Variants in ATP6V1C2 observed in about 807,000 individuals in gnomAD.
ATP6V1C2 encodes V-type proton ATPase subunit C 2.
In ATP6V1C2, 45 loss-of-function variants were observed where a neutral mutation model predicts 56.8. The observed-to-expected ratio is 0.79, with a 90% CI of 0.62 to 1.02. The LOEUF (loss-of-function observed/expected upper bound fraction) is 1.02. Ranked by LOEUF, ATP6V1C2 falls within the 50% of genes least tolerant of loss-of-function variation. The pLI is 0.00. For missense variants in ATP6V1C2, 463 were observed against 519.7 expected, an observed-to-expected ratio of 0.89 and a Z score of 1.06; for synonymous variants, 220 against 201.3, an observed-to-expected ratio of 1.09 and a Z score of -0.79.
Position 10,780,907 on chromosome 2 carries a change from G to A in ATP6V1C2, c.1062-1336G>A, listed in dbSNP as rs1411021849. 6.6e-6 allele frequency among the ~76,000 whole-genome samples: 1 copy of A among 152,142 alleles called. No individual in the cohort carries two copies. Among genetic ancestry groups the A allele is most frequent in the Non-Finnish European group, 1.5e-5 (1 of 68,014 alleles). The stretch of plus-strand genomic sequence containing the variant: ...TTACAGGCGTGCACCACCACGCCCA[G>A]CTAATTTTTGTAATTTTAGTAGCGA... On this transcript the variant is annotated intron_variant, in intron 12 of 13. Coordinates refer to ENST00000272238, the MANE Select transcript of ATP6V1C2 (RefSeq NM_001039362.2). This position sits in a 1 kb window ranked among gnomAD's most constrained non-coding sequence, Gnocchi z 4.1.
At chr2:10,778,402 A>C in intron 11 of ATP6V1C2, 170 bp from the exon 12 acceptor site, 2 of 618,662 alleles carry the variant, frequency 3.2e-6, no homozygotes, top group Non-Finnish European at 5.6e-6. Context: ...GGTGCCCTGG[A>C]CCTCGAGGTC....
Position 10,778,614 on chromosome 2 carries a change from T to C in ATP6V1C2, c.1006T>C (p.Phe336Leu). The part of the protein sequence containing the change: ...RWLKVNFSEA[F>L]IAWIHIKALR... The stretch of plus-strand genomic sequence containing the variant: ...GCTCAAGGTGAACTTCAGTGAAGCC[T>C]TCATTGCCTGGATCCACATCAAGGC... Residue 336 changes from phenylalanine (F) to leucine (L), a missense_variant, in exon 12 of 14, where the codon TTC becomes CTC. Physicochemically the swap from Phe to Leu is conservative, Grantham distance 22. Coordinates refer to ENST00000272238, the MANE Select transcript of ATP6V1C2 (RefSeq NM_001039362.2). 6.2e-7 allele frequency: 1 copy of C among 1,614,212 alleles called. No homozygotes were observed. Among genetic ancestry groups the C allele is most frequent in the Non-Finnish European group, 8.5e-7 (1 of 1,180,018 alleles).
intron 3 of ATP6V1C2, among the ~76,000 whole-genome samples, chr2:10,727,881 G>A (rs1414378945): frequency 1.3e-5 from 2 of 152,114 alleles, no homozygotes; most frequent in African/African-American, 2.4e-5. Context: ...TCCAGCCTGG[G>A]TGACAGAGCA....
At position 10,753,990 on chromosome 2, in the gene ATP6V1C2, G is replaced by A. The variant is rs747722577; in HGVS notation, c.207G>A (p.Arg69=). 1 of 1,605,586 alleles carries A rather than the reference G, an allele frequency of 6.2e-7. No individual in the cohort carries two copies. Among genetic ancestry groups the A allele is most frequent in the South Asian group, 1.1e-5 (1 of 89,532 alleles). Residue 69 remains arginine, a synonymous_variant, in exon 4 of 14, where the codon AGG becomes AGA. Transcript: ENST00000272238. ...TCTTCTCTCTCCAAAGCCTCATAAG[G>A]AGAATGGCTCAGAGCGTGGTGGAAG... ...KLDTFAESLI[R]RMAQSVVEVM...
At chr2:10,735,082 T>G (rs540241047) in intron 3 of ATP6V1C2, among the ~76,000 whole-genome samples, 1 of 152,220 alleles carries the variant, frequency 6.6e-6, no homozygotes, top group Admixed American at 6.5e-5. Flanking sequence ...GAGACCCTGT[T>G]TGAAAAAAAG....
In ATP6V1C2 at chr2:10,783,372, G is replaced by C. The variant is rs137969010; in HGVS notation, c.*109G>C. 61 of 650,732 alleles carry C rather than the reference G, an allele frequency of 9.4e-5. No homozygotes were observed. In the African/African-American group the frequency reaches 9.9e-4, roughly 11 times the overall value. 40.3% of individuals were successfully genotyped at this position (650,732 alleles called of 1,614,324 possible). A position where few individuals can be genotyped will look rare whatever the true frequency, so the allele number is the denominator to read the frequency against. The stretch of plus-strand genomic sequence containing the variant: ...TCTTACAGAACTAAGATCTTTTTCA[G>C]AGAAATTGCTCACAAAAGTTAGTGA... On this transcript the variant is annotated 3_prime_UTR_variant, in exon 14 of 14. Transcript: ENST00000272238.
chr2:10,752,938 G>A (rs1663302816), intron 3 of ATP6V1C2, among the ~76,000 whole-genome samples: 2 of 152,186 alleles, frequency 1.3e-5, no homozygotes, highest in African/African-American at 4.8e-5. Flanking sequence ...GGAGGTTGCA[G>A]TGAGTCGAGA....
chr2:10,749,951 G>T (rs369773574), intron 3 of ATP6V1C2, among the ~76,000 whole-genome samples: 23 of 152,162 alleles, frequency 1.5e-4, no homozygotes, highest in African/African-American at 4.6e-4. Flanking sequence ...GTCTTCTCCC[G>T]TGAAAAGGTG....
In ATP6V1C2 at chr2:10,777,639, G is replaced by C; in HGVS notation, c.880G>C (p.Val294Leu). The change falls in exon 11 of 14, where the codon GTT becomes CTT. Residue 294 changes from valine (V) to leucine (L), a missense_variant. Coordinates refer to ENST00000272238, the MANE Select transcript of ATP6V1C2 (RefSeq NM_001039362.2). ...ATCATCCACCTTCCCGGACCACAAG[G>C]TTAAGGTAACCCCGCTAGGTAACCC... ...KGSSTFPDHKVKVTPLGNPDR... is the reference protein window; with the variant it reads ...KGSSTFPDHKLKVTPLGNPDR... The C allele has an allele frequency of 6.2e-7, 1 of 1,614,134 alleles. No homozygotes were observed. Among genetic ancestry groups the C allele is most frequent in the South Asian group, 1.1e-5 (1 of 91,080 alleles).
rs1001098932 is a variant in ATP6V1C2, at chr2:10,754,899, G to A, written c.283+833G>A. Among the ~76,000 whole-genome samples, 3 of 150,868 alleles carry A rather than the reference G, an allele frequency of 2.0e-5. 1 individual carries two copies. Among genetic ancestry groups the A allele is most frequent in the African/African-American group, 7.3e-5 (3 of 41,036 alleles). On this transcript the variant is annotated intron_variant, in intron 4 of 13. Coordinates refer to ENST00000272238, the MANE Select transcript of ATP6V1C2 (RefSeq NM_001039362.2). ...GCCTATTATGATTATTTTCTGAGAC[G>A]TGGTCTTGCCCAGGCTGGAGTGCAG...
chr2:10,781,118 G>A (rs181074602), intron 12 of ATP6V1C2, among the ~76,000 whole-genome samples: 6 of 152,262 alleles, frequency 3.9e-5, no homozygotes, highest in Admixed American at 2.0e-4. Flanking sequence ...GGACAGGGCC[G>A]GAAGAACTCA....
intron 1 of ATP6V1C2, among the ~76,000 whole-genome samples, 165 bp downstream of exon 1, chr2:10,721,896 C>G (rs1169086020): frequency 2.6e-5 from 4 of 152,210 alleles, no homozygotes; most frequent in Admixed American, 2.6e-4. Context: ...GCAGGTGCTG[C>G]GGCGGGCCAG....
chr2:10,721,073 T>G (rs956286998), upstream of ATP6V1C2: 4 of 152,204 alleles, frequency 2.6e-5, no homozygotes, highest in African/African-American at 9.7e-5. Flanking sequence ...GGGAGTTTCC[T>G]GGGCAACCGG....
chr2:10,738,653 G>C (rs528100488), intron 3 of ATP6V1C2, among the ~76,000 whole-genome samples: 23 of 152,246 alleles, frequency 1.5e-4, no homozygotes, highest in Non-Finnish European at 2.9e-4. Flanking sequence ...ATTTTCACGA[G>C]CTTCAGGGGC....
chr2:10,757,484 G>C (rs1185528073), intron 4 of ATP6V1C2: 4 of 398,516 alleles, frequency 1.0e-5, no homozygotes, highest in Non-Finnish European at 1.8e-5. Context: ...TGCTGTGTCT[G>C]TGCTTGGCGT....
At chr2:10,724,875 G>T (rs1160915177) in intron 2 of ATP6V1C2, among the ~76,000 whole-genome samples, 3 of 152,098 alleles carry the variant, frequency 2.0e-5, no homozygotes, top group East Asian at 3.9e-4. Flanking sequence ...GTGTCACCAG[G>T]TTGACCAGTT....
At chr2:10,747,494 G>A (rs1477051359) in intron 3 of ATP6V1C2, among the ~76,000 whole-genome samples, 1 of 152,192 alleles carries the variant, frequency 6.6e-6, no homozygotes, top group Non-Finnish European at 1.5e-5. Flanking sequence ...TTAGTATGAT[G>A]ATCAAAATCA....
In ATP6V1C2 at chr2:10,726,575, A is replaced by G. The variant is rs1449788288; in HGVS notation, c.197+6A>G. 6.2e-7 allele frequency: 1 copy of G among 1,607,088 alleles called. No homozygotes were observed. Among genetic ancestry groups the G allele is most frequent in the Admixed American group, 1.7e-5 (1 of 60,008 alleles). On this transcript the variant is annotated splice_donor_region_variant and intron_variant, in intron 3 of 13. Transcript: ENST00000272238. ...CTCGACACCTTTGCTGAAAGGTAAA[A>G]TATTCCTTATTTACTACATACAAGT...
intron 3 of ATP6V1C2, among the ~76,000 whole-genome samples, chr2:10,729,255 C>T (rs1661827554): frequency 6.6e-6 from 1 of 151,608 alleles, no homozygotes; most frequent in Non-Finnish European, 1.5e-5. Flanking sequence ...GCCTCTGCCT[C>T]CCAAGTTGAA....
Sources: gnomAD v4.1 joint callset for allele counts (sites outside exome capture counted in the v4.1 genomes callset) on GRCh38, gnomAD v4.1.1 for gene constraint, Gnocchi (gnomAD v3.1) non-coding constraint, MANE v1.5 for transcripts, NCBI Gene and HGNC (gene_info 2026-07-23, HGNC 2026-07-21) for gene names.